The following XKRX variants were observed in gnomAD, a reference collection of about 807,000 sequenced individuals.
The protein encoded by XKRX is XK-related protein 2.
XKRX carries 11 observed loss-of-function variants against 22.4 expected under a neutral mutation model. The observed-to-expected ratio is 0.49, with a 90% CI of 0.31 to 0.81. XKRX has a LOEUF of 0.81. Ranked by LOEUF, XKRX falls within the 40% of genes least tolerant of loss-of-function variation. The pLI is 0.05. For synonymous variants in XKRX, 114 were observed against 132.2 expected (o/e 0.86, Z 0.94); for missense variants, 320 against 336.5 (o/e 0.95, Z 0.38).
At chrX:100,930,363 T>G (rs2085517518), upstream of XKRX, among the ~76,000 whole-genome samples, 1 of 109,715 alleles carries the variant, frequency 9.1e-6, no homozygotes, top group Non-Finnish European at 1.9e-5. Context: ...CAATCTCCTT[T>G]TGCTGCAGGA....
At chrX:100,909,405 T>G (rs2085398999), downstream of XKRX, among the ~76,000 whole-genome samples, 1 of 111,910 alleles carries the variant, frequency 8.9e-6, no homozygotes, top group Non-Finnish European at 1.9e-5. Context: ...TTAAAATGCT[T>G]TCATAAGGAC....
the XKRX span, among the ~76,000 whole-genome samples, chrX:100,904,383 A>C: frequency 1.8e-5 from 2 of 112,602 alleles, no homozygotes; most frequent in Non-Finnish European, 3.7e-5. Flanking sequence ...TGTAAAACAC[A>C]AAATGATAAA....
the XKRX span, among the ~76,000 whole-genome samples, chrX:100,950,002 C>A: frequency 9.0e-6 from 1 of 111,070 alleles, no homozygotes; most frequent in South Asian, 3.8e-4. Context: ...TGGGCTATAG[C>A]CGAATGAATA....
chrX:100,887,087 G>A, the XKRX span, among the ~76,000 whole-genome samples: 1 of 111,666 alleles, frequency 9.0e-6, no homozygotes, highest in East Asian at 2.8e-4. Context: ...TTTTGCTTGG[G>A]TAGTCCCTTT....
chrX:100,895,898 G>A, the XKRX span, among the ~76,000 whole-genome samples: 1 of 112,062 alleles, frequency 8.9e-6, no homozygotes, highest in African/African-American at 3.2e-5. Context: ...TCAGCCACAG[G>A]CAGCCAGGCA....
At chrX:100,946,822 A>C in the XKRX span, among the ~76,000 whole-genome samples, 1 of 111,786 alleles carries the variant, frequency 8.9e-6, no homozygotes. Flanking sequence ...AAAAATGGGA[A>C]AGGAACTCAC....
At chrX:100,923,190 C>CCAGGGTGATGGAGTAAG in intron 1 of XKRX, 129 bp from the exon 2 acceptor site, 2 of 838,077 alleles carry the variant, frequency 2.4e-6, no homozygotes, top group Non-Finnish European at 3.3e-6. Context: ...CTTACTCCAT[C>CCAGGGTGATGGAGTAAG]ACCCTGGCTG....
chrX:100,945,289 C>CACACACACACACACACACAT, the XKRX span, among the ~76,000 whole-genome samples: 2 of 98,546 alleles, frequency 2.0e-5, no homozygotes, highest in East Asian at 3.2e-4. Flanking sequence ...CACACACACA[C>CACACACACACACACACACAT]AGTTTATTTT....
At chrX:100,917,682 G>GAAAGA (rs1421298895) in intron 2 of XKRX, among the ~76,000 whole-genome samples, 20 of 85,670 alleles carry the variant, frequency 2.3e-4, no homozygotes, top group African/African-American at 1.0e-3. Context: ...AGAAAAGAAA[G>GAAAGA]AAAGAAAGAA....
chrX:100,927,600 C>T lies in XKRX; in HGVS notation c.335+370G>A, dbSNP rs146967533. Among the ~76,000 whole-genome samples the T allele has an allele frequency of 6.1e-3, 681 of 111,478 alleles. 3 individuals are homozygous for T. Among genetic ancestry groups the T allele is most frequent in the African/African-American group, 0.021 (643 of 30,692 alleles). On this transcript the variant is annotated intron_variant, in intron 1 of 2. Coordinates refer to ENST00000372956, the MANE Select transcript of XKRX (RefSeq NM_212559.3). ...GCTGCAGTGAGCCATGATCGCACCA[C>T]TGCACTGTAGCCTGGGAGGCAGAGC... is the stretch of plus-strand genomic sequence containing the variant.
the XKRX span, among the ~76,000 whole-genome samples, chrX:100,941,776 T>C: frequency 8.4e-4 from 94 of 111,976 alleles, no homozygotes; most frequent in African/African-American, 2.9e-3. Context: ...ACTAAATATG[T>C]ATCCTGAGAA....
the XKRX span, chrX:100,887,618 TA>T: frequency 1.5e-6 from 1 of 662,318 alleles, no homozygotes; most frequent in Non-Finnish European, 2.4e-6. Context: ...CCTCTCCTGC[TA>T]AGCTCTGTTT....
downstream of XKRX, among the ~76,000 whole-genome samples, chrX:100,911,857 G>A (rs1569453545): frequency 9.0e-6 from 1 of 111,166 alleles, no homozygotes; most frequent in Non-Finnish European, 1.9e-5. Flanking sequence ...GAGGGCAGCA[G>A]GTTTTTCAGG....
At chrX:100,958,270 C>G in the XKRX span, among the ~76,000 whole-genome samples, 1 of 111,800 alleles carries the variant, frequency 8.9e-6, no homozygotes, top group African/African-American at 3.2e-5. Flanking sequence ...CAGAAAAGAA[C>G]ACGGAAACCT....
chrX:100,888,566 T>G, the XKRX span: 3 of 520,105 alleles, frequency 5.8e-6, no homozygotes, highest in Non-Finnish European at 1.0e-5. Context: ...CTATTCGGGC[T>G]CTTTAGGAGA....
At chrX:100,934,696 G>T in the XKRX span, among the ~76,000 whole-genome samples, 1 of 111,927 alleles carries the variant, frequency 8.9e-6, no homozygotes, top group Non-Finnish European at 1.9e-5. Flanking sequence ...AGGATCATTT[G>T]CATGAATATG....
the XKRX span, among the ~76,000 whole-genome samples, chrX:100,955,949 A>G: frequency 3.6e-5 from 4 of 111,895 alleles, no homozygotes; most frequent in African/African-American, 1.3e-4. Flanking sequence ...AAGTCATCGA[A>G]TCAACCTAAA....
the XKRX span, among the ~76,000 whole-genome samples, chrX:100,948,313 G>T: frequency 7.3e-4 from 81 of 111,682 alleles, no homozygotes; most frequent in African/African-American, 2.5e-3. Context: ...AAAGAATTAA[G>T]TATCTTTTTA....
At chrX:100,903,912 C>A in the XKRX span, among the ~76,000 whole-genome samples, 1 of 111,854 alleles carries the variant, frequency 8.9e-6, no homozygotes, top group East Asian at 2.8e-4. Context: ...CAGTTCTTCC[C>A]AAATTCTTCT....
Sources: allele counts gnomAD v4.1 joint callset (sites outside exome capture counted in the v4.1 genomes callset), GRCh38; gene constraint gnomAD v4.1.1; transcripts MANE v1.5; gene names NCBI Gene and HGNC (gene_info 2026-07-23, HGNC 2026-07-21).